CTNNA2: variants seen among roughly 807,000 people sequenced by gnomAD.
CTNNA2 encodes the protein catenin alpha-2.
In CTNNA2, 42 loss-of-function variants were observed where a neutral mutation model predicts 101.0. The ratio of observed to expected loss-of-function variants is 0.42; its 90% CI spans 0.32 to 0.54. CTNNA2 has a LOEUF of 0.54. CTNNA2 is among the 20% of genes least tolerant of loss of function. The pLI is 0.14. For synonymous variants in CTNNA2, 450 were observed against 456.4 expected (o/e 0.99, Z 0.18); for missense variants, 871 against 1,223.1 (o/e 0.71, Z 4.29).
chr2:79,454,877 C>G (rs991681786), intron 4 of CTNNA2, among the ~76,000 whole-genome samples: 1 of 152,134 alleles, frequency 6.6e-6, no homozygotes, highest in Non-Finnish European at 1.5e-5. Context: ...AATATATGCT[C>G]GTATCTTTCT....
chr2:80,450,060 A>G (rs1302088586), intron 9 of CTNNA2, among the ~76,000 whole-genome samples: 5 of 152,228 alleles, frequency 3.3e-5, no homozygotes, highest in Non-Finnish European at 5.9e-5. Context: ...CTATGATGTT[A>G]GGAATGTCCA....
At chr2:80,150,689 C>G (rs1703644640) in intron 7 of CTNNA2, among the ~76,000 whole-genome samples, 1 of 152,146 alleles carries the variant, frequency 6.6e-6, no homozygotes, top group Non-Finnish European at 1.5e-5. Context: ...TAAATAAACA[C>G]TGGTGTTGGT....
chr2:80,190,165 G>A (rs192119158), intron 7 of CTNNA2, among the ~76,000 whole-genome samples: 1 of 152,104 alleles, frequency 6.6e-6, no homozygotes, highest in Admixed American at 6.5e-5. Flanking sequence ...AACCTTAACA[G>A]GGAAGGCTTT....
chr2:79,211,904 C>A (rs939252106), intron 2 of CTNNA2, among the ~76,000 whole-genome samples: 2 of 152,060 alleles, frequency 1.3e-5, no homozygotes, highest in Non-Finnish European at 2.9e-5. Flanking sequence ...GCGCGGGAAC[C>A]TAGAGTGGGA....
intron 7 of CTNNA2, among the ~76,000 whole-genome samples, chr2:80,387,770 C>T (rs750774916): frequency 5.3e-5 from 8 of 152,116 alleles, no homozygotes; most frequent in Non-Finnish European, 1.0e-4. Context: ...TCCCTTTGCT[C>T]TCATGAATTC....
chr2:80,125,211 G>A (rs754476239), intron 7 of CTNNA2, among the ~76,000 whole-genome samples: 1 of 152,092 alleles, frequency 6.6e-6, no homozygotes, highest in East Asian at 1.9e-4. Context: ...AGGAAGATGT[G>A]TTAAGTGTGA....
At chr2:79,745,864 T>G (rs1671608942) in intron 3 of CTNNA2, among the ~76,000 whole-genome samples, 1 of 152,212 alleles carries the variant, frequency 6.6e-6, no homozygotes, top group Non-Finnish European at 1.5e-5. Context: ...GCTATGAACA[T>G]AGAGGTAAAG....
At chr2:79,225,114 A>G (rs183247589) in intron 2 of CTNNA2, among the ~76,000 whole-genome samples, 2 of 152,150 alleles carry the variant, frequency 1.3e-5, no homozygotes, top group Non-Finnish European at 2.9e-5. Flanking sequence ...GCGGATATAT[A>G]TTTTTATTTG....
intron 4 of CTNNA2, chr2:79,866,562 C>A (rs1348264938): frequency 2.0e-5 from 3 of 152,206 alleles, no homozygotes; most frequent in African/African-American, 7.2e-5. Context: ...GCCGTTGACA[C>A]CAGTGTCCTT....
intron 7 of CTNNA2, among the ~76,000 whole-genome samples, chr2:80,125,615 C>T (rs149965454): frequency 5.3e-4 from 81 of 152,304 alleles, no homozygotes; most frequent in African/African-American, 1.6e-3. Flanking sequence ...TCCTACTGGT[C>T]CCAGGTGGCA....
intron 7 of CTNNA2, among the ~76,000 whole-genome samples, chr2:80,264,194 C>A (rs576526657): frequency 2.6e-5 from 4 of 152,210 alleles, no homozygotes; most frequent in Admixed American, 2.0e-4. Context: ...TTGACAGATG[C>A]ATGTTGCCAC....
Position 79,874,059 on chromosome 2 carries a change from A to C in CTNNA2, c.586-17A>C. On this transcript the variant is annotated splice_polypyrimidine_tract_variant and intron_variant, in intron 5 of 18. Transcript: ENST00000402739. ...AAATTTCATGTGTGTGACAGCTTTC[A>C]TGTGTTACACACACAGGAGCTGAAG... is the stretch of plus-strand genomic sequence containing the variant. The C allele has an allele frequency of 6.2e-7, 1 of 1,612,354 alleles. No individual in the cohort carries two copies. Among genetic ancestry groups the C allele is most frequent in the Non-Finnish European group, 8.5e-7 (1 of 1,178,794 alleles).
chr2:80,291,708 A>G (rs1675265967), intron 7 of CTNNA2, among the ~76,000 whole-genome samples: 1 of 152,198 alleles, frequency 6.6e-6, no homozygotes, highest in African/African-American at 2.4e-5. Context: ...ACCTCCAGGA[A>G]TTGACTATAG....
rs146162308 is a variant in CTNNA2 at position 79,629,225 on chromosome 2, A to G, written c.-5-22327A>G. Among the ~76,000 whole-genome samples, 1,112 of 151,892 alleles carry G rather than the reference A, an allele frequency of 7.3e-3. 13 individuals are homozygous for G. The highest frequency in any genetic ancestry group is 0.026 in the African/African-American group (1,057 of 41,348). On this transcript the variant is annotated intron_variant, in intron 1 of 18. Coordinates refer to ENST00000402739, the MANE Select transcript of CTNNA2 (RefSeq NM_001282597.3). ...CTGGGAGTTGAATTTCTAAGTTAAA[A>G]GATATGAAAATAAATGTTTTAATGG... is the stretch of plus-strand genomic sequence containing the variant.
At chr2:80,272,362 T>C (rs1673564183) in intron 7 of CTNNA2, among the ~76,000 whole-genome samples, 1 of 152,202 alleles carries the variant, frequency 6.6e-6, no homozygotes, top group Non-Finnish European at 1.5e-5. Context: ...CTATACCAAA[T>C]AATTTGGAAC....
intron 11 of CTNNA2, among the ~76,000 whole-genome samples, chr2:80,555,190 A>T (rs1692924171): frequency 6.6e-6 from 1 of 152,234 alleles, no homozygotes; most frequent in South Asian, 2.1e-4. Flanking sequence ...TTCGTAATGA[A>T]AACATGATTA....
chr2:79,637,013 G>A (rs1347129052), intron 1 of CTNNA2: 1 of 152,074 alleles, frequency 6.6e-6, no homozygotes, highest in African/African-American at 2.4e-5. Flanking sequence ...AATTTTGCAA[G>A]GCTAATTTCA....
chr2:79,243,866 G>A (rs1674665176), intron 2 of CTNNA2, among the ~76,000 whole-genome samples: 1 of 152,164 alleles, frequency 6.6e-6, no homozygotes, highest in African/African-American at 2.4e-5. Context: ...CCATGTGGGA[G>A]TGCACATTTT....
chr2:79,629,091 G>A (rs72822513), intron 1 of CTNNA2, among the ~76,000 whole-genome samples: 36,444 of 151,932 alleles, frequency 0.24, 4,792 homozygotes, highest in East Asian at 0.42. Flanking sequence ...CTCCACTTCC[G>A]TCCCTTCCCC....
Sources: allele counts gnomAD v4.1 joint callset (sites outside exome capture counted in the v4.1 genomes callset), GRCh38; gene constraint gnomAD v4.1.1; transcripts MANE v1.5; gene names NCBI Gene and HGNC (gene_info 2026-07-23, HGNC 2026-07-21).